CDH13: variants seen among roughly 807,000 people sequenced by gnomAD.
CDH13 encodes the protein cadherin 13, also known as cadherin-13.
Under a neutral mutation model 63.8 loss-of-function variants are expected in CDH13, and 24 were observed. The ratio of observed to expected loss-of-function variants is 0.38; its 90% CI spans 0.27 to 0.53. The LOEUF (loss-of-function observed/expected upper bound fraction) is 0.53. CDH13 is among the 20% of genes least tolerant of loss of function. CDH13 has a pLI of 0.85. For missense variants in CDH13, 1,049 were observed against 903.1 expected (o/e 1.16, Z -2.07); for synonymous variants, 503 against 355.3 (o/e 1.42, Z -4.67).
At chr16:82,820,774 A>G (rs2037966694) in intron 1 of CDH13, among the ~76,000 whole-genome samples, 2 of 152,234 alleles carry the variant, frequency 1.3e-5, no homozygotes, top group Admixed American at 6.5e-5. Flanking sequence ...ATTAAGGATT[A>G]TACATTTATG....
chr16:83,437,325 A>T (rs546990765), intron 6 of CDH13, among the ~76,000 whole-genome samples: 5 of 152,196 alleles, frequency 3.3e-5, no homozygotes, highest in African/African-American at 4.8e-5. Flanking sequence ...ATTAATATCC[A>T]TAAAGCGTTT....
intron 1 of CDH13, among the ~76,000 whole-genome samples, chr16:82,641,986 A>C (rs1909459205): frequency 6.6e-6 from 1 of 151,392 alleles, no homozygotes; most frequent in Non-Finnish European, 1.5e-5. Context: ...GTAGGGTGAG[A>C]GATTATTTTC....
chr16:82,957,061 G>T (rs1002762541), intron 2 of CDH13, among the ~76,000 whole-genome samples: 2 of 152,106 alleles, frequency 1.3e-5, no homozygotes, highest in African/African-American at 4.8e-5. Context: ...TATGGCATTT[G>T]TGGAATGTAT....
At chr16:83,456,760 G>A (rs1464635377) in intron 6 of CDH13, among the ~76,000 whole-genome samples, 3 of 152,132 alleles carry the variant, frequency 2.0e-5, no homozygotes, top group Non-Finnish European at 2.9e-5. Context: ...TCAGGAGTTC[G>A]AGACCAGCCT....
At chr16:82,903,896 A>G (rs1041024083) in intron 2 of CDH13, among the ~76,000 whole-genome samples, 2 of 152,118 alleles carry the variant, frequency 1.3e-5, no homozygotes, top group Admixed American at 1.3e-4. Flanking sequence ...GGCAAGTCAC[A>G]ATGGGGCCCC....
At chr16:83,744,720 C>A (rs1441784066) in intron 10 of CDH13, among the ~76,000 whole-genome samples, 3 of 152,222 alleles carry the variant, frequency 2.0e-5, no homozygotes, top group Non-Finnish European at 2.9e-5. Context: ...CGCACAAGAC[C>A]AAGCCCTTTG....
chr16:83,501,398 C>T (rs374814854), intron 7 of CDH13, among the ~76,000 whole-genome samples: 4 of 152,132 alleles, frequency 2.6e-5, no homozygotes, highest in African/African-American at 7.2e-5. Flanking sequence ...TCTCAGAGTC[C>T]TAAATTCAGG....
chr16:83,112,491 G>A (rs1448928695), intron 3 of CDH13, among the ~76,000 whole-genome samples: 2 of 152,218 alleles, frequency 1.3e-5, no homozygotes, highest in African/African-American at 2.4e-5. Context: ...AGGGCTTAAT[G>A]TGTTTTTAGG....
intron 4 of CDH13, among the ~76,000 whole-genome samples, chr16:83,201,934 T>A (rs550788030): frequency 3.3e-5 from 5 of 151,838 alleles, no homozygotes; most frequent in Non-Finnish European, 5.9e-5. Flanking sequence ...TAAAAAAGAT[T>A]GAGTAATGTC....
intron 6 of CDH13, among the ~76,000 whole-genome samples, chr16:83,416,937 G>A (rs1033161495): frequency 1.3e-5 from 2 of 152,106 alleles, no homozygotes; most frequent in Non-Finnish European, 2.9e-5. Context: ...AACAGTGCCC[G>A]GCACATGTTA....
At chr16:83,645,967 G>C (rs1004426000) in intron 8 of CDH13, among the ~76,000 whole-genome samples, 1 of 152,180 alleles carries the variant, frequency 6.6e-6, no homozygotes, top group Non-Finnish European at 1.5e-5. Flanking sequence ...TTAAACCATA[G>C]CTACATAAAC....
At chr16:83,116,338 T>C (rs961695374) in intron 3 of CDH13, among the ~76,000 whole-genome samples, 4 of 152,016 alleles carry the variant, frequency 2.6e-5, no homozygotes, top group Non-Finnish European at 5.9e-5. Context: ...GGAAGGAGGC[T>C]GATGGAGGAG....
At chr16:82,989,697 C>T (rs1911414004) in intron 2 of CDH13, among the ~76,000 whole-genome samples, 1 of 152,144 alleles carries the variant, frequency 6.6e-6, no homozygotes, top group Non-Finnish European at 1.5e-5. Context: ...CAGGGTATTG[C>T]CTGCTTCTGT....
intron 6 of CDH13, among the ~76,000 whole-genome samples, chr16:83,486,170 C>A (rs2073884499): frequency 6.6e-6 from 1 of 152,030 alleles, no homozygotes; most frequent in Non-Finnish European, 1.5e-5. Context: ...GTCACAAAGC[C>A]ACATCCACAG....
At chr16:83,166,203 A>G (rs1330238113) in intron 4 of CDH13, among the ~76,000 whole-genome samples, 1 of 152,126 alleles carries the variant, frequency 6.6e-6, no homozygotes, top group Non-Finnish European at 1.5e-5. Context: ...AAGGGAGTCA[A>G]TTCTTGATAC....
chr16:83,397,455 T>G (rs2091905148), intron 6 of CDH13: 1 of 152,206 alleles, frequency 6.6e-6, no homozygotes, highest in African/African-American at 2.4e-5. Context: ...CTGTTGTGAC[T>G]TTTATAAGGT....
intron 2 of CDH13, among the ~76,000 whole-genome samples, chr16:82,871,263 C>T (rs1432160356): frequency 6.6e-6 from 1 of 152,144 alleles, no homozygotes; most frequent in Non-Finnish European, 1.5e-5. Context: ...ACCATGTGGT[C>T]AGACAGGGTG....
intron 3 of CDH13, among the ~76,000 whole-genome samples, chr16:83,063,024 C>T (rs540273071): frequency 2.6e-4 from 38 of 146,606 alleles, no homozygotes; most frequent in South Asian, 2.4e-3. Flanking sequence ...GTTCAGGGTG[C>T]GATCTCGGCT....
At chr16:83,014,608 G>GT (rs948250732) in intron 2 of CDH13, among the ~76,000 whole-genome samples, 75 of 150,338 alleles carry the variant, frequency 5.0e-4, no homozygotes, top group South Asian at 4.0e-3. Flanking sequence ...GCCCATGCCT[G>GT]TAATTCTAGC....
Sources: allele counts gnomAD v4.1 joint callset (sites outside exome capture counted in the v4.1 genomes callset), GRCh38; gene constraint gnomAD v4.1.1; transcripts MANE v1.5; gene names NCBI Gene and HGNC (gene_info 2026-07-23, HGNC 2026-07-21).